The following SAMSN1 variants were observed in gnomAD, a reference collection of about 807,000 sequenced individuals.
The protein encoded by SAMSN1 is SAM domain-containing protein SAMSN-1.
A neutral mutation model predicts 42.0 loss-of-function variants in SAMSN1; 31 were observed. That is an observed-to-expected ratio of 0.74 (90% CI 0.55 to 1.00). The LOEUF is 1.00. Ranked by LOEUF, SAMSN1 falls within the 50% of genes least tolerant of loss-of-function variation. The pLI, the probability that SAMSN1 is intolerant of heterozygous loss-of-function variation, is 0.00. For missense variants in SAMSN1, 464 were observed against 439.4 expected (o/e 1.06, Z -0.50); for synonymous variants, 178 against 151.9 (o/e 1.17, Z -1.26).
At chr21:14,492,095 T>C (rs76284292) in intron 7 of SAMSN1, among the ~76,000 whole-genome samples, 2,977 of 152,318 alleles carry the variant, frequency 0.02, 114 homozygotes, top group African/African-American at 0.068. Flanking sequence ...TTTTAGTTTT[T>C]ACCCAAAACT....
At position 14,498,538 on chromosome 21, in the gene SAMSN1, C is replaced by T. The variant is rs1170261953; in HGVS notation, c.823G>A (p.Asp275Asn). ...NGYETLEDLKDIKESHLIELN... is the reference protein window; with the variant it reads ...NGYETLEDLKNIKESHLIELN... ...TCAATGAGGTGACTCTCTTTTATAT[C>T]TTTTAAATCTTCTAGAGTCTCATAA... Residue 275 changes from aspartate (D) to asparagine (N), a missense_variant, in exon 7 of 8, where the codon GAT becomes AAT. Transcript: ENST00000400566. The T allele has an allele frequency of 1.2e-6, 2 of 1,610,376 alleles. No homozygotes were observed. Among genetic ancestry groups the T allele is most frequent in the Non-Finnish European group, 1.7e-6 (2 of 1,178,328 alleles).
intron 1 of SAMSN1, among the ~76,000 whole-genome samples, chr21:14,522,804 A>T (rs1978580208): frequency 6.6e-6 from 1 of 152,248 alleles, no homozygotes; most frequent in Non-Finnish European, 1.5e-5. Flanking sequence ...ATTCCAGCTC[A>T]GGGTTGCTGT....
intron 2 of SAMSN1, among the ~76,000 whole-genome samples, chr21:14,632,954 AG>A (rs1401934802): frequency 6.6e-6 from 1 of 152,196 alleles, no homozygotes; most frequent in African/African-American, 2.4e-5. Context: ...CAAAACAAGA[AG>A]GCAACAGAGG....
rs115608453 is a variant in SAMSN1 at position 14,558,340 on chromosome 21, C to T, written c.261+23796G>A. 4.5e-3 allele frequency among the ~76,000 whole-genome samples: 684 copies of T among 151,976 alleles called. 6 individuals carry two copies. The highest frequency in any genetic ancestry group is 0.016 in the African/African-American group (644 of 41,456). On this transcript the variant is annotated intron_variant, in intron 2 of 8. Transcript: ENST00000285670. ...GAATTAGACAACATGAGAAAAAAAT[C>T]CAGCAAAAATTTGGAAACACGCATG...
chr21:14,629,680 G>T (rs1390757028), intron 2 of SAMSN1, among the ~76,000 whole-genome samples: 1 of 152,128 alleles, frequency 6.6e-6, no homozygotes, highest in Admixed American at 6.5e-5. Flanking sequence ...AGAATGCACG[G>T]GGCCATAATC....
At chr21:14,622,810 C>A (rs961406866) in intron 2 of SAMSN1, among the ~76,000 whole-genome samples, 1 of 152,108 alleles carries the variant, frequency 6.6e-6, no homozygotes, top group African/African-American at 2.4e-5. Flanking sequence ...CTCCAAGACA[C>A]ATAATTGTCA....
Position 14,517,013 on chromosome 21 carries a change from C to T in SAMSN1, c.158G>A (p.Ser53Asn). Residue 53 changes from serine (S) to asparagine (N), a missense_variant, in exon 3 of 8, where the codon AGT (serine) becomes AAT (asparagine). Coordinates refer to ENST00000400566, the MANE Select transcript of SAMSN1 (RefSeq NM_022136.5). ...ATTTGAAGTTTTACTTTGTTCTCCA[C>T]TTCCATTTGTGGGATCTCCTTCATG... is the stretch of plus-strand genomic sequence containing the variant. ...EAHEGDPTNG[S>N]GEQSKTSNNG... The T allele has an allele frequency of 6.2e-7, 1 of 1,613,230 alleles. No homozygotes were observed. Among genetic ancestry groups the T allele is most frequent in the Non-Finnish European group, 8.5e-7 (1 of 1,179,660 alleles).
chr21:14,606,800 T>C (rs1413541348), intron 5 of SAMSN1, among the ~76,000 whole-genome samples: 2 of 152,156 alleles, frequency 1.3e-5, no homozygotes, highest in African/African-American at 4.8e-5. Flanking sequence ...ACTAAAAATA[T>C]TTTGCATCTG....
chr21:14,588,497 G>C (rs1204970372), intron 7 of SAMSN1, among the ~76,000 whole-genome samples: 1 of 151,346 alleles, frequency 6.6e-6, no homozygotes, highest in African/African-American at 2.4e-5. Context: ...CTGATGGCCA[G>C]TGATGATGAG....
intron 1 of SAMSN1, among the ~76,000 whole-genome samples, chr21:14,648,626 T>A (rs1030465536): frequency 6.6e-6 from 1 of 151,686 alleles, no homozygotes; most frequent in African/African-American, 2.4e-5. Context: ...AACAGACACT[T>A]CTCAAAAGAA....
intron 2 of SAMSN1, among the ~76,000 whole-genome samples, chr21:14,520,617 G>C (rs1042435378): frequency 6.6e-6 from 1 of 152,098 alleles, no homozygotes; most frequent in African/African-American, 2.4e-5. Context: ...GGTCCCTTGC[G>C]AAACCTCCCC....
chr21:14,525,469 A>T (rs1476785694), intron 1 of SAMSN1, among the ~76,000 whole-genome samples: 1 of 152,238 alleles, frequency 6.6e-6, no homozygotes, highest in East Asian at 1.9e-4. Flanking sequence ...GTTAAAGTAT[A>T]AACTGAGAGA....
intron 1 of SAMSN1, among the ~76,000 whole-genome samples, chr21:14,528,648 T>A (rs1170764006): frequency 6.6e-6 from 1 of 152,220 alleles, no homozygotes; most frequent in Admixed American, 6.5e-5. Context: ...CCTGTACATA[T>A]GTCCAATTAT....
intron 2 of SAMSN1, among the ~76,000 whole-genome samples, chr21:14,577,054 T>A (rs1436401933): frequency 8.3e-6 from 1 of 120,244 alleles, no homozygotes; most frequent in Admixed American, 7.8e-5. Flanking sequence ...GTTTCTTTTT[T>A]TTTTTTTTTT....
At chr21:14,588,246 C>A (rs535273645), upstream of SAMSN1, among the ~76,000 whole-genome samples, 12 of 111,286 alleles carry the variant, frequency 1.1e-4, no homozygotes, top group Non-Finnish European at 2.1e-4. Flanking sequence ...ATTTATAGTC[C>A]TTTGGGTATA....
intron 1 of SAMSN1, among the ~76,000 whole-genome samples, chr21:14,652,711 G>A (rs1025528644): frequency 6.6e-6 from 1 of 151,840 alleles, no homozygotes; most frequent in South Asian, 2.1e-4. Context: ...AAAAGCTTCC[G>A]CACAGAAAAA....
intron 7 of SAMSN1, 45 bp from the exon 8 acceptor site, chr21:14,486,159 A>T: frequency 2.3e-6 from 3 of 1,328,426 alleles, no homozygotes; most frequent in Non-Finnish European, 1.1e-6. Flanking sequence ...AGCAACACAA[A>T]ATCTTATTCA....
intron 5 of SAMSN1, 84 bp from the exon 6 acceptor site, chr21:14,500,819 G>A: frequency 5.6e-6 from 6 of 1,077,872 alleles, no homozygotes; most frequent in Non-Finnish European, 8.4e-6. Context: ...CTAGAATAAT[G>A]AGGACATTAT....
intron 5 of SAMSN1, 117 bp from the exon 6 acceptor site, chr21:14,500,852 A>G (rs1229051363): frequency 2.5e-6 from 2 of 802,274 alleles, no homozygotes; most frequent in Non-Finnish European, 4.0e-6. Context: ...CAGATATAAC[A>G]GAAACAAATC....
Sources: allele counts gnomAD v4.1 joint callset (sites outside exome capture counted in the v4.1 genomes callset), GRCh38; gene constraint gnomAD v4.1.1; transcripts MANE v1.5; gene names NCBI Gene and HGNC (gene_info 2026-07-23, HGNC 2026-07-21).